THEMIS: variants seen among roughly 807,000 people sequenced by gnomAD.
THEMIS encodes protein THEMIS.
In THEMIS, 37 loss-of-function variants were observed where a neutral mutation model predicts 52.6. That is an observed-to-expected ratio of 0.70 (90% CI 0.54 to 0.93). The LOEUF (loss-of-function observed/expected upper bound fraction) is 0.93. Among genes scored for constraint, THEMIS ranks in the 40% least tolerant of loss-of-function variants. The pLI is 0.00. For synonymous variants in THEMIS, 292 were observed against 272.7 expected, an observed-to-expected ratio of 1.07 and a Z score of -0.70; for missense variants, 808 against 763.1, an observed-to-expected ratio of 1.06 and a Z score of -0.69.
Position 127,900,913 on chromosome 6 carries a change from T to G in THEMIS, c.20A>C (p.Glu7Ala). Residue 7 changes from glutamate to alanine, a missense_variant, in exon 1 of 6, where the codon GAA becomes GCA. Physicochemically the swap from Glu to Ala is moderately radical, Grantham distance 107. Coordinates refer to ENST00000368248, the MANE Select transcript of THEMIS (RefSeq NM_001010923.3). ...CCTGAGGTCAAGGGAGTGGACGAATTCTTCCAGTGATAATGCCATTGCTAT... is the reference window on the plus strand; with the variant it reads ...CCTGAGGTCAAGGGAGTGGACGAATGCTTCCAGTGATAATGCCATTGCTAT... MALSLE[E>A]FVHSLDLRTL... The G allele has an allele frequency of 6.2e-7, 1 of 1,613,088 alleles. No homozygotes were observed. Among genetic ancestry groups the G allele is most frequent in the Non-Finnish European group, 8.5e-7 (1 of 1,179,370 alleles).
chr6:127,819,877 G>A (rs1778275424), intron 3 of THEMIS, among the ~76,000 whole-genome samples: 1 of 152,110 alleles, frequency 6.6e-6, no homozygotes, highest in Non-Finnish European at 1.5e-5. Context: ...AATGAAGGCA[G>A]AATAAAACGT....
chr6:127,801,974 C>T (rs1488637020), intron 4 of THEMIS, among the ~76,000 whole-genome samples: 1 of 152,136 alleles, frequency 6.6e-6, no homozygotes. Flanking sequence ...AAGGAACATA[C>T]AGTTGGATCA....
intron 3 of THEMIS, among the ~76,000 whole-genome samples, chr6:127,824,347 G>A (rs1194607376): frequency 1.3e-5 from 2 of 152,028 alleles, no homozygotes; most frequent in East Asian, 3.9e-4. Flanking sequence ...ATCCCCAGAA[G>A]ATACCACAAA....
rs141779158 is a variant in THEMIS at position 127,871,372 on chromosome 6, A to G, written c.92-16184T>C. On this transcript the variant is annotated intron_variant, in intron 1 of 5. Coordinates refer to ENST00000368248, the MANE Select transcript of THEMIS (RefSeq NM_001010923.3). ...AAATACAACATATCAAAGTTGTAGG[A>G]CATAGCTAAGGCAGTACTGAGAGGA... Among the ~76,000 whole-genome samples the G allele has an allele frequency of 2.2e-4, 33 of 152,216 alleles. No homozygotes were observed. In the East Asian group the frequency reaches 6.0e-3, roughly 28 times the overall value.
chr6:127,881,102 T>G (rs572332086), intron 1 of THEMIS, among the ~76,000 whole-genome samples: 1 of 152,216 alleles, frequency 6.6e-6, no homozygotes, highest in Non-Finnish European at 1.5e-5. Context: ...GCACACTAAC[T>G]TGAAGTCACT....
At position 127,786,788 on chromosome 6, in the gene THEMIS, A is replaced by C. The variant is rs144892490; in HGVS notation, c.1758+26095T>G. On this transcript the variant is annotated intron_variant, in intron 4 of 5. Transcript: ENST00000368248. The stretch of plus-strand genomic sequence containing the variant: ...TTGCAGAACTCTAGAAATTAACGAA[A>C]AAGAAATCTTTTTTTTAAGAAAAGT... Among the ~76,000 whole-genome samples, 134 of 152,312 alleles carry C rather than the reference A, an allele frequency of 8.8e-4. 1 individual carries two copies. Among genetic ancestry groups the C allele is most frequent in the African/African-American group, 3.2e-3 (133 of 41,570 alleles).
chr6:127,774,954 T>C (rs1174387317), intron 4 of THEMIS, among the ~76,000 whole-genome samples: 4 of 152,110 alleles, frequency 2.6e-5, no homozygotes. Context: ...TGAGGAGACA[T>C]GATCAAGAGA....
At chr6:127,868,310 T>C (rs747784856) in intron 1 of THEMIS, 4 of 269,326 alleles carry the variant, frequency 1.5e-5, no homozygotes, top group African/African-American at 2.3e-5. Flanking sequence ...CTGGTGGGAT[T>C]GTCTTGATCA....
At chr6:127,848,564 C>CA (rs1779305095) in intron 2 of THEMIS, among the ~76,000 whole-genome samples, 1 of 150,930 alleles carries the variant, frequency 6.6e-6, no homozygotes, top group East Asian at 2.0e-4. Context: ...GTTCCTATTT[C>CA]TCCACATCCT....
chr6:127,812,371 AC>A (rs1777936948), intron 4 of THEMIS, among the ~76,000 whole-genome samples: 1 of 152,198 alleles, frequency 6.6e-6, no homozygotes. Flanking sequence ...GCAGATGCTC[AC>A]ATTCTCACAC....
In THEMIS at chr6:127,812,908, G is replaced by A. The variant is rs370574765; in HGVS notation, c.1733C>T (p.Thr578Met). 26 of 1,610,072 alleles carry A rather than the reference G, an allele frequency of 1.6e-5. No individual in the cohort carries two copies. In the African/African-American group the frequency reaches 2.9e-4, roughly 18 times the overall value. Residue 578 changes from threonine (T) to methionine (M), a missense_variant, in exon 4 of 6, where the codon ACG becomes ATG. Thr to Met is a moderately conservative substitution (Grantham distance 81). Coordinates refer to ENST00000368248, the MANE Select transcript of THEMIS (RefSeq NM_001010923.3). The part of the protein sequence containing the change: ...LTLLTLAEER[T>M]VDLPKSPKRH... ...CTTGGGAGACTTGGGCAGGTCTACC[G>A]TCCTTTCTTCTGCTAAGGTTAGCAG...
intron 4 of THEMIS, among the ~76,000 whole-genome samples, chr6:127,741,633 G>T (rs941515608): frequency 8.5e-5 from 13 of 152,198 alleles, no homozygotes; most frequent in Non-Finnish European, 1.9e-4. Flanking sequence ...TAAGTGACCT[G>T]TGGAAGTCAT....
chr6:127,711,611 T>C (rs1008729023), intron 5 of THEMIS, among the ~76,000 whole-genome samples: 1 of 151,984 alleles, frequency 6.6e-6, no homozygotes, highest in Non-Finnish European at 1.5e-5. Flanking sequence ...GCTTTTTAGA[T>C]CTTTCTTATA....
At chr6:127,821,500 G>GGT (rs1646470273) in intron 3 of THEMIS, among the ~76,000 whole-genome samples, 1 of 151,868 alleles carries the variant, frequency 6.6e-6, no homozygotes, top group Admixed American at 6.6e-5. Flanking sequence ...ATCCTTGCTG[G>GGT]GTATGTTTTC....
At chr6:127,785,984 T>A (rs1452877436) in intron 4 of THEMIS, among the ~76,000 whole-genome samples, 1 of 152,106 alleles carries the variant, frequency 6.6e-6, no homozygotes, top group African/African-American at 2.4e-5. Context: ...TCATATGTAC[T>A]CCCTCTTAGT....
intron 1 of THEMIS, among the ~76,000 whole-genome samples, chr6:127,915,586 AAGAGAGAGAGAGAG>A (rs34353449): frequency 3.0e-4 from 42 of 140,326 alleles, no homozygotes; most frequent in Non-Finnish European, 4.7e-4. Flanking sequence ...GTCAGAGAGA[AAGAGAGAGAGAGAG>A]AGAGAGAGAG....
At chr6:127,763,785 A>T (rs1217926804) in intron 4 of THEMIS, among the ~76,000 whole-genome samples, 1 of 152,024 alleles carries the variant, frequency 6.6e-6, no homozygotes, top group East Asian at 1.9e-4. Flanking sequence ...ATAATTTTAC[A>T]TTGATTACAT....
At chr6:127,702,171 A>G in the THEMIS span, among the ~76,000 whole-genome samples, 1 of 152,156 alleles carries the variant, frequency 6.6e-6, no homozygotes, top group African/African-American at 2.4e-5. Flanking sequence ...CTGGATTAAC[A>G]GTTCTCACTG....
At chr6:127,916,289 A>T (rs1157945257) in intron 1 of THEMIS, among the ~76,000 whole-genome samples, 1 of 152,038 alleles carries the variant, frequency 6.6e-6, no homozygotes, top group Non-Finnish European at 1.5e-5. Flanking sequence ...TTTATAATAA[A>T]ATACTTTTAT....
Sources: gnomAD v4.1 joint callset for allele counts (sites outside exome capture counted in the v4.1 genomes callset) on GRCh38, gnomAD v4.1.1 for gene constraint, MANE v1.5 for transcripts, NCBI Gene and HGNC (gene_info 2026-07-23, HGNC 2026-07-21) for gene names.